Variants in VSNL1 observed in about 807,000 individuals in gnomAD.
VSNL1 encodes visinin-like protein 1.
A neutral mutation model predicts 20.4 loss-of-function variants in VSNL1; 6 were observed. The observed-to-expected ratio is 0.29, with a 90% CI of 0.16 to 0.58. VSNL1 has a LOEUF of 0.58. Ranked by LOEUF, VSNL1 falls within the 20% of genes least tolerant of loss-of-function variation. VSNL1 has a pLI of 0.90. For synonymous variants in VSNL1, 93 were observed against 86.4 expected (o/e 1.08, Z -0.42); for missense variants, 100 against 234.5 (o/e 0.43, Z 3.75).
At chr2:17,575,197 T>G (rs1157592055) in intron 1 of VSNL1, among the ~76,000 whole-genome samples, 1 of 152,026 alleles carries the variant, frequency 6.6e-6, no homozygotes, top group Non-Finnish European at 1.5e-5. Flanking sequence ...ACTGGGAAGG[T>G]AGAAATGCAG....
At chr2:17,581,969 G>A (rs1322561992) in intron 1 of VSNL1, among the ~76,000 whole-genome samples, 1 of 152,228 alleles carries the variant, frequency 6.6e-6, no homozygotes, top group Admixed American at 6.5e-5. Flanking sequence ...TGTGGCAGGT[G>A]ATGCAGCAAC....
intron 2 of VSNL1, among the ~76,000 whole-genome samples, chr2:17,614,427 A>G (rs903893041): frequency 1.3e-5 from 2 of 152,156 alleles, no homozygotes; most frequent in African/African-American, 4.8e-5. Context: ...GCCAGTTGTC[A>G]TTTTCCCAAG....
chr2:17,570,906 C>T (rs560936557), intron 1 of VSNL1, among the ~76,000 whole-genome samples: 19 of 152,028 alleles, frequency 1.2e-4, no homozygotes, highest in African/African-American at 3.6e-4. Flanking sequence ...GCGGTGGTGG[C>T]GCCTGTAATC....
At chr2:17,551,788 T>C (rs956349417) in intron 1 of VSNL1, among the ~76,000 whole-genome samples, 3 of 151,808 alleles carry the variant, frequency 2.0e-5, no homozygotes, top group Non-Finnish European at 4.4e-5. Context: ...TTAGCCAAAA[T>C]TGAATTAATC....
At chr2:17,559,711 T>C (rs950185440) in intron 1 of VSNL1, among the ~76,000 whole-genome samples, 14 of 152,322 alleles carry the variant, frequency 9.2e-5, no homozygotes, top group African/African-American at 2.6e-4. Flanking sequence ...TTAAGTGTTA[T>C]AGGGCAAAAA....
Position 17,610,112 on chromosome 2 carries a change from G to A in VSNL1, c.162+17876G>A, listed in dbSNP as rs375158963. Among the ~76,000 whole-genome samples the A allele has an allele frequency of 1.6e-4, 24 of 152,366 alleles. No individual in the cohort carries two copies. The South Asian group carries it at 2.5e-3, about 16-fold the overall frequency. ...ATAGGGTAAGGGACAAACACCTAGCGTGAGAGATGCTGAAACACAGGGGCT... is the reference window on the plus strand; with the variant it reads ...ATAGGGTAAGGGACAAACACCTAGCATGAGAGATGCTGAAACACAGGGGCT... On this transcript the variant is annotated intron_variant, in intron 2 of 3. Transcript: ENST00000295156.
At chr2:17,600,275 C>A (rs1159976596) in intron 2 of VSNL1, among the ~76,000 whole-genome samples, 4 of 152,200 alleles carry the variant, frequency 2.6e-5, no homozygotes, top group Non-Finnish European at 5.9e-5. Context: ...GAGAATAACA[C>A]TCTGGGCCTT....
At chr2:17,547,121 A>C (rs1450691934) in intron 1 of VSNL1, among the ~76,000 whole-genome samples, 1 of 152,016 alleles carries the variant, frequency 6.6e-6, no homozygotes, top group African/African-American at 2.4e-5. Flanking sequence ...TATGAGAGGA[A>C]GTATAAAGTT....
At chr2:17,542,277 C>T (rs994338270) in intron 1 of VSNL1, among the ~76,000 whole-genome samples, 1 of 152,226 alleles carries the variant, frequency 6.6e-6, no homozygotes, top group East Asian at 1.9e-4. Context: ...AATGCACTCT[C>T]ATTAAGCCTT....
chr2:17,604,201 G>A (rs1287009156), intron 2 of VSNL1, among the ~76,000 whole-genome samples: 6 of 152,224 alleles, frequency 3.9e-5, no homozygotes, highest in Non-Finnish European at 7.3e-5. Flanking sequence ...CATCCAGAAA[G>A]GACTTAGACA....
At chr2:17,575,528 T>G (rs1664187825) in intron 1 of VSNL1, among the ~76,000 whole-genome samples, 1 of 151,968 alleles carries the variant, frequency 6.6e-6, no homozygotes, top group Admixed American at 6.6e-5. Context: ...CAAATATCTT[T>G]TTTTTTATTT....
At chr2:17,598,931 T>C (rs1438484726) in intron 2 of VSNL1, among the ~76,000 whole-genome samples, 1 of 152,264 alleles carries the variant, frequency 6.6e-6, no homozygotes, top group Non-Finnish European at 1.5e-5. Context: ...ATGTAGATGA[T>C]GTTTGACTGA....
intron 3 of VSNL1, among the ~76,000 whole-genome samples, chr2:17,650,791 T>G (rs73921018): frequency 0.013 from 2,027 of 152,346 alleles, 24 homozygotes; most frequent in African/African-American, 0.031. Context: ...GAAGCTGGCC[T>G]CGTTCACTTG....
chr2:17,641,847 AAG>A (rs974312989), intron 2 of VSNL1, among the ~76,000 whole-genome samples: 1 of 152,228 alleles, frequency 6.6e-6, no homozygotes, highest in African/African-American at 2.4e-5. Flanking sequence ...GGAGAAAGAG[AAG>A]AGAGAGATTC....
intron 2 of VSNL1, among the ~76,000 whole-genome samples, chr2:17,615,507 T>C (rs1665195440): frequency 6.6e-6 from 1 of 152,238 alleles, no homozygotes; most frequent in African/African-American, 2.4e-5. Context: ...TCCCTTTGCC[T>C]CTGGAAAAGG....
At chr2:17,545,633 A>C (rs1663389671) in intron 1 of VSNL1, among the ~76,000 whole-genome samples, 3 of 152,098 alleles carry the variant, frequency 2.0e-5, no homozygotes, top group Admixed American at 2.0e-4. Flanking sequence ...TAACTTATGC[A>C]CTCTTAAGTG....
rs964047051 is a variant in VSNL1 at position 17,585,574 on chromosome 2, G to A, written c.-5-6496G>A. 4.7e-4 allele frequency among the ~76,000 whole-genome samples: 70 copies of A among 150,120 alleles called. 1 individual carries two copies. Among genetic ancestry groups the A allele is most frequent in the African/African-American group, 1.6e-3 (66 of 40,758 alleles). On this transcript the variant is annotated intron_variant, in intron 1 of 3. Transcript: ENST00000295156. ...AGTGGCTTACAAGCTTTGAGTGTTA[G>A]ACACAGGGACAGCATGCTGTGGGGG...
intron 2 of VSNL1, among the ~76,000 whole-genome samples, chr2:17,638,290 C>T (rs74771573): frequency 2.6e-5 from 4 of 152,278 alleles, no homozygotes; most frequent in East Asian, 3.9e-4. Context: ...GGATTGTTGG[C>T]GGATTACACA....
chr2:17,546,673 G>A (rs892478713), intron 1 of VSNL1, among the ~76,000 whole-genome samples: 23 of 152,012 alleles, frequency 1.5e-4, no homozygotes, highest in Middle Eastern at 3.4e-3. Context: ...AAAATGTCCC[G>A]TTGGAGACCC....
Sources: allele counts gnomAD v4.1 joint callset (sites outside exome capture counted in the v4.1 genomes callset), GRCh38; gene constraint gnomAD v4.1.1; transcripts MANE v1.5; gene names NCBI Gene and HGNC (gene_info 2026-07-23, HGNC 2026-07-21).